The following FNIP2 variants were observed in gnomAD, a reference collection of about 807,000 sequenced individuals.
FNIP2 encodes the protein folliculin-interacting protein 2.
FNIP2 carries 32 observed loss-of-function variants against 108.7 expected under a neutral mutation model. That is an observed-to-expected ratio of 0.29 (90% confidence interval 0.22 to 0.40). FNIP2 has a LOEUF of 0.40. FNIP2 is among the 10% of genes least tolerant of loss of function. FNIP2 has a pLI of 1.00. For synonymous variants in FNIP2, 480 were observed against 496.7 expected (o/e 0.97, Z 0.45); for missense variants, 1,202 against 1,381.6 (o/e 0.87, Z 2.06).
chr4:158,858,298 A>G (rs567667720), intron 8 of FNIP2, among the ~76,000 whole-genome samples: 2 of 152,326 alleles, frequency 1.3e-5, no homozygotes, highest in South Asian at 2.1e-4. Context: ...GGAAAAAACT[A>G]TTTTATTTGT....
At chr4:158,774,334 TTG>T (rs1775792346) in intron 1 of FNIP2, among the ~76,000 whole-genome samples, 1 of 152,166 alleles carries the variant, frequency 6.6e-6, no homozygotes, top group Non-Finnish European at 1.5e-5. Context: ...TCTAATGAAT[TTG>T]TGTTACTTTT....
At chr4:158,785,128 C>T (rs1578820679) in intron 1 of FNIP2, among the ~76,000 whole-genome samples, 1 of 136,616 alleles carries the variant, frequency 7.3e-6, no homozygotes, top group African/African-American at 2.9e-5. Flanking sequence ...ACTCTGTTGC[C>T]AGGCTGGAGT....
At chr4:158,813,886 T>A (rs150382810) in intron 1 of FNIP2, among the ~76,000 whole-genome samples, 7 of 152,364 alleles carry the variant, frequency 4.6e-5, no homozygotes, top group Middle Eastern at 6.8e-3. Context: ...AGATTCTTTT[T>A]TTTGCACCTG....
In FNIP2 at chr4:158,859,591, G is replaced by C; in HGVS notation, c.1073G>C (p.Cys358Ser). ...KSAIEKAMIS[C>S]RKIAESSLRV... ...TCTTCAATAAAGGCTATGATCTCCT[G>C]TAGGAAAATAGCAGAATCAAGTCTC... The change falls in exon 10 of 17, where the codon TGT becomes TCT. Residue 358 changes from cysteine (C) to serine (S), a missense_variant. Around this residue, in one of 5 missense-constraint regions of FNIP2, gnomAD observed 878 missense variants for 990.3 expected, o/e 0.89. Coordinates refer to ENST00000264433, the MANE Select transcript of FNIP2 (RefSeq NM_020840.3). 2 of 1,613,036 alleles carry C rather than the reference G, an allele frequency of 1.2e-6. No individual in the cohort carries two copies. Among genetic ancestry groups the C allele is most frequent in the Non-Finnish European group, 1.7e-6 (2 of 1,179,408 alleles).
At chr4:158,897,321 T>C (rs1225518837) in intron 16 of FNIP2, among the ~76,000 whole-genome samples, 6 of 152,248 alleles carry the variant, frequency 3.9e-5, no homozygotes, top group African/African-American at 1.4e-4. Context: ...TGTGTCTTTA[T>C]AGTAGAATGA....
chr4:158,860,620 G>A (rs892992799), intron 10 of FNIP2, among the ~76,000 whole-genome samples: 97 of 150,636 alleles, frequency 6.4e-4, no homozygotes, highest in African/African-American at 2.2e-3. Flanking sequence ...CAGACTGGAC[G>A]CTCACTGGCT....
At chr4:158,835,582 G>A (rs1053067345) in intron 7 of FNIP2, 106 bp downstream of exon 7, 13 of 972,324 alleles carry the variant, frequency 1.3e-5, no homozygotes, top group Admixed American at 1.9e-5. Context: ...CCTGTTCTTT[G>A]TTTTTTCCTT....
intron 14 of FNIP2, chr4:158,872,561 G>A (rs1270665740): frequency 3.0e-6 from 3 of 985,188 alleles, no homozygotes; most frequent in African/African-American, 1.7e-5. Context: ...CCATGCGTGG[G>A]TGTTAATAGG....
chr4:158,797,334 A>G (rs1345082617), intron 1 of FNIP2, among the ~76,000 whole-genome samples: 2 of 152,218 alleles, frequency 1.3e-5, no homozygotes, highest in African/African-American at 4.8e-5. Context: ...ATTGACTTCC[A>G]TTGAATGGAT....
intron 7 of FNIP2, among the ~76,000 whole-genome samples, chr4:158,847,577 T>C (rs541050630): frequency 3.3e-5 from 5 of 152,278 alleles, no homozygotes; most frequent in African/African-American, 1.2e-4. Flanking sequence ...TGGGTGAGAC[T>C]CTGAGACGTG....
chr4:158,815,022 T>C (rs1464634232), intron 1 of FNIP2, among the ~76,000 whole-genome samples: 1 of 152,244 alleles, frequency 6.6e-6, no homozygotes, highest in Non-Finnish European at 1.5e-5. Flanking sequence ...CACGGCTTAA[T>C]ATTCAAAAGG....
chr4:158,827,118 G>C (rs1377573804), intron 2 of FNIP2, among the ~76,000 whole-genome samples: 3 of 152,158 alleles, frequency 2.0e-5, no homozygotes, highest in Non-Finnish European at 4.4e-5. Flanking sequence ...TAGTTGTTGG[G>C]CTTGTTAGGT....
chr4:158,809,385 G>C (rs939126351), intron 1 of FNIP2, among the ~76,000 whole-genome samples: 51 of 152,272 alleles, frequency 3.3e-4, no homozygotes, highest in African/African-American at 1.2e-3. Flanking sequence ...CTTGAACCTG[G>C]GATGCAGAGG....
At chr4:158,896,316 G>GT (rs1284663925) in intron 16 of FNIP2, among the ~76,000 whole-genome samples, 1 of 152,192 alleles carries the variant, frequency 6.6e-6, no homozygotes, top group Non-Finnish European at 1.5e-5. Flanking sequence ...CTGCGTGTCT[G>GT]TGGGGGGACA....
At chr4:158,871,697 AGGATACTCCTG>A in intron 14 of FNIP2, 1 of 985,426 alleles carries the variant, frequency 1.0e-6, no homozygotes, top group Non-Finnish European at 1.2e-6. Context: ...ACCCCTCACC[AGGATACTCCTG>A]GGATGAAACT....
intron 14 of FNIP2, among the ~76,000 whole-genome samples, chr4:158,877,062 CCTCT>C (rs1430425917): frequency 1.3e-5 from 2 of 152,086 alleles, no homozygotes; most frequent in South Asian, 4.2e-4. Context: ...AGCTACCAAC[CCTCT>C]CTCATTTTAT....
At chr4:158,828,761 A>G (rs1299246946) in intron 2 of FNIP2, among the ~76,000 whole-genome samples, 1 of 152,242 alleles carries the variant, frequency 6.6e-6, no homozygotes, top group African/African-American at 2.4e-5. Flanking sequence ...ACTCTACATA[A>G]TACTAAAAAG....
At chr4:158,805,162 A>C (rs1365622831) in intron 1 of FNIP2, among the ~76,000 whole-genome samples, 1 of 152,214 alleles carries the variant, frequency 6.6e-6, no homozygotes, top group Non-Finnish European at 1.5e-5. Flanking sequence ...TGCATTTAAA[A>C]ATTGCTGAAG....
In FNIP2 at chr4:158,879,574, C is replaced by T. The variant is rs1006260413; in HGVS notation, c.2949+9105C>T. Among the ~76,000 whole-genome samples the T allele has an allele frequency of 2.1e-4, 31 of 150,466 alleles. 3 individuals carry two copies. The highest frequency in any genetic ancestry group is 6.9e-4 in the African/African-American group (28 of 40,400). On this transcript the variant is annotated intron_variant, in intron 14 of 16. Coordinates refer to ENST00000264433, the MANE Select transcript of FNIP2 (RefSeq NM_020840.3). ...TCTGTCCCCTCTTTCAGTAAAACTG[C>T]TGTCAGGAATGTCTACTCAACATGG...
Sources: allele counts gnomAD v4.1 joint callset (sites outside exome capture counted in the v4.1 genomes callset), GRCh38; gene constraint gnomAD v4.1.1; regional missense constraint gnomAD v4.1.1; transcripts MANE v1.5; gene names NCBI Gene and HGNC (gene_info 2026-07-23, HGNC 2026-07-21).